CELF5: variants seen among roughly 807,000 people sequenced by gnomAD.
CELF5 encodes CUGBP Elav-like family member 5.
CELF5 carries 6 observed loss-of-function variants against 54.9 expected under a neutral mutation model. The observed-to-expected ratio is 0.11, with a 90% CI of 0.06 to 0.22. CELF5 has a LOEUF of 0.22. CELF5 is among the 10% of genes least tolerant of loss of function. CELF5 has a pLI of 1.00. For synonymous variants in CELF5, 271 were observed against 290.9 expected, an observed-to-expected ratio of 0.93 and a Z score of 0.70; for missense variants, 401 against 678.6, an observed-to-expected ratio of 0.59 and a Z score of 4.54.
intron 2 of CELF5, among the ~76,000 whole-genome samples, chr19:3,259,993 T>C (rs1238923828): frequency 6.6e-6 from 1 of 152,210 alleles, no homozygotes; most frequent in African/African-American, 2.4e-5. Context: ...ATTTAACATG[T>C]TCCAGGAGCA....
At chr19:3,236,787 C>A (rs1464240202) in intron 1 of CELF5, among the ~76,000 whole-genome samples, 1 of 150,020 alleles carries the variant, frequency 6.7e-6, no homozygotes, top group Non-Finnish European at 1.5e-5. Context: ...AGTTTGAGAC[C>A]AGCCTGGCCA....
rs538823260 is a variant in CELF5 at position 3,245,368 on chromosome 19, G to T, written c.260-5617G>T. ...TTTGTGTGCATGCATCTGTGTGTGT[G>T]TGCGTGTGTGTGTATGCATCTGTGT... On this transcript the variant is annotated intron_variant, in intron 1 of 12. Coordinates refer to ENST00000292672, the MANE Select transcript of CELF5 (RefSeq NM_021938.4). Among the ~76,000 whole-genome samples the T allele has an allele frequency of 5.2e-4, 76 of 145,228 alleles. 1 individual carries two copies. In the East Asian group the frequency reaches 0.012, roughly 22 times the overall value.
intron 1 of CELF5, among the ~76,000 whole-genome samples, chr19:3,234,093 A>G (rs896896406): frequency 6.6e-6 from 1 of 152,174 alleles, no homozygotes; most frequent in Non-Finnish European, 1.5e-5. Context: ...ACTAGGGGGA[A>G]GGACCAGAGG....
intron 1 of CELF5, among the ~76,000 whole-genome samples, chr19:3,235,085 G>A (rs549499654): frequency 1.3e-5 from 2 of 152,082 alleles, no homozygotes; most frequent in African/African-American, 4.8e-5. Context: ...CGCTCCCTCT[G>A]TTCCAGCCAC....
chr19:3,273,836 C>T, intron 2 of CELF5, 36 bp from the exon 3 acceptor site: 1 of 1,552,398 alleles, frequency 6.4e-7, no homozygotes, highest in Non-Finnish European at 8.9e-7. Flanking sequence ...ACCCCCACTG[C>T]TAAGCTTGAC....
intron 2 of CELF5, among the ~76,000 whole-genome samples, chr19:3,260,568 C>A (rs1377533002): frequency 2.6e-5 from 4 of 152,010 alleles, no homozygotes; most frequent in African/African-American, 9.7e-5. Flanking sequence ...AATTCTCCTG[C>A]CTCAGCTTCT....
intron 1 of CELF5, among the ~76,000 whole-genome samples, chr19:3,231,373 G>A (rs921732206): frequency 1.3e-5 from 2 of 151,960 alleles, no homozygotes; most frequent in African/African-American, 4.8e-5. Flanking sequence ...AGTGACTCTA[G>A]ATATGAGTGG....
chr19:3,262,148 C>A (rs2079814732), intron 2 of CELF5, among the ~76,000 whole-genome samples: 1 of 152,120 alleles, frequency 6.6e-6, no homozygotes, highest in African/African-American at 2.4e-5. Context: ...CATTCTCCTG[C>A]CTCAGTCTCC....
chr19:3,285,827 A>T lies in CELF5; in HGVS notation c.1103-115A>T, dbSNP rs1477936531. The T allele has an allele frequency of 1.6e-4, 15 of 93,202 alleles. No homozygotes were observed. The African/African-American group carries it at 1.6e-3, about 10-fold the overall frequency. The allele number at this position is 93,202 out of a possible 1,614,324, so 5.8% of individuals were successfully genotyped here. On this transcript the variant is annotated intron_variant, in intron 9 of 12. Coordinates refer to ENST00000292672, the MANE Select transcript of CELF5 (RefSeq NM_021938.4). ...CCCCACAAAGGCCATGATCACACCCACTCCTGCCTTGGCCCCACCCTCTTA... is the reference window on the plus strand; with the variant it reads ...CCCCACAAAGGCCATGATCACACCCTCTCCTGCCTTGGCCCCACCCTCTTA...
At chr19:3,267,719 T>C (rs1237024494) in intron 2 of CELF5, among the ~76,000 whole-genome samples, 1 of 152,108 alleles carries the variant, frequency 6.6e-6, no homozygotes, top group Middle Eastern at 3.2e-3. Flanking sequence ...TGGAAAAAGA[T>C]GAATTTGTGT....
chr19:3,230,145 C>T (rs558006776), intron 1 of CELF5, among the ~76,000 whole-genome samples: 1 of 152,236 alleles, frequency 6.6e-6, no homozygotes, highest in South Asian at 2.1e-4. Flanking sequence ...CCTTCTGTGG[C>T]CTTACCTCGT....
chr19:3,269,902 T>C (rs1309422626), intron 2 of CELF5, among the ~76,000 whole-genome samples: 3 of 152,218 alleles, frequency 2.0e-5, no homozygotes, highest in Non-Finnish European at 4.4e-5. Context: ...CTCTCCCTTC[T>C]TTCTGGTCTT....
intron 11 of CELF5, among the ~76,000 whole-genome samples, chr19:3,292,303 GT>G (rs55841367): frequency 0.55 from 78,272 of 141,634 alleles, 22,242 homozygotes; most frequent in Middle Eastern, 0.67. Context: ...CCTTGACTTT[GT>G]TTTTTTTTTT....
At chr19:3,231,692 A>G (rs1167981877) in intron 1 of CELF5, among the ~76,000 whole-genome samples, 1 of 133,996 alleles carries the variant, frequency 7.5e-6, no homozygotes, top group Non-Finnish European at 1.6e-5. Flanking sequence ...GGGTGGATGG[A>G]TGGATGGATG....
intron 1 of CELF5, among the ~76,000 whole-genome samples, chr19:3,237,272 A>C (rs1917655209): frequency 7.2e-6 from 1 of 138,834 alleles, no homozygotes; most frequent in Non-Finnish European, 1.5e-5. Context: ...AGATCACGCC[A>C]CTGCACTCCA....
At chr19:3,248,876 TC>T (rs2079605151) in intron 1 of CELF5, among the ~76,000 whole-genome samples, 1 of 127,278 alleles carries the variant, frequency 7.9e-6, no homozygotes, top group Non-Finnish European at 1.6e-5. Flanking sequence ...CTTCCTTCCT[TC>T]CTTCCTTCCT....
chr19:3,273,431 A>G (rs552282848), intron 2 of CELF5, among the ~76,000 whole-genome samples: 26 of 152,018 alleles, frequency 1.7e-4, no homozygotes, highest in African/African-American at 6.0e-4. Context: ...CCAAGAGTGG[A>G]AGCCACAAGG....
At chr19:3,262,442 C>T (rs868380033) in intron 2 of CELF5, among the ~76,000 whole-genome samples, 23 of 152,172 alleles carry the variant, frequency 1.5e-4, no homozygotes, top group Non-Finnish European at 2.8e-4. Flanking sequence ...TGTTCTAGAC[C>T]GGGGGCAGCT....
chr19:3,264,096 G>A (rs375032547), intron 2 of CELF5, among the ~76,000 whole-genome samples: 2 of 151,932 alleles, frequency 1.3e-5, no homozygotes, highest in Non-Finnish European at 2.9e-5. Flanking sequence ...TCTGGTTGTC[G>A]GTAACACGCC....
Sources: gnomAD v4.1 joint callset for allele counts (sites outside exome capture counted in the v4.1 genomes callset) on GRCh38, gnomAD v4.1.1 for gene constraint, MANE v1.5 for transcripts, NCBI Gene and HGNC (gene_info 2026-07-23, HGNC 2026-07-21) for gene names.